The following ITGA9 variants were observed in gnomAD, a reference collection of about 807,000 sequenced individuals.
ITGA9 encodes the protein integrin subunit alpha 9, also known as integrin alpha-9.
In ITGA9, 56 loss-of-function variants were observed where a neutral mutation model predicts 127.8. The observed-to-expected ratio is 0.44, with a 90% CI of 0.35 to 0.55. ITGA9 has a LOEUF of 0.55. ITGA9 is among the 20% of genes least tolerant of loss of function. The probability of loss-of-function intolerance (pLI) is 0.00; values close to 1 mark genes in which losing one functional copy is unlikely to be tolerated. For missense variants in ITGA9, 1,196 were observed against 1,347.1 expected (o/e 0.89, Z 1.76); for synonymous variants, 508 against 514.5 (o/e 0.99, Z 0.17).
chr3:37,633,645 G>A (rs955476287), intron 16 of ITGA9, among the ~76,000 whole-genome samples: 1 of 152,204 alleles, frequency 6.6e-6, no homozygotes, highest in Non-Finnish European at 1.5e-5. Context: ...GGCTACTAGT[G>A]TAACAGGGTC....
chr3:37,676,832 CCTT>C (rs1700687049), intron 17 of ITGA9, among the ~76,000 whole-genome samples: 1 of 152,178 alleles, frequency 6.6e-6, no homozygotes, highest in Non-Finnish European at 1.5e-5. Context: ...CTAAGAGTGT[CCTT>C]CTCCTGCCCC....
At chr3:37,666,343 A>G (rs778202884) in intron 17 of ITGA9, among the ~76,000 whole-genome samples, 34 of 152,236 alleles carry the variant, frequency 2.2e-4, no homozygotes, top group Non-Finnish European at 4.0e-4. Context: ...TAGCACTTGT[A>G]TATCAGTTAC....
At chr3:37,568,417 A>G (rs980718329) in intron 15 of ITGA9, among the ~76,000 whole-genome samples, 6 of 152,238 alleles carry the variant, frequency 3.9e-5, no homozygotes, top group Admixed American at 1.3e-4. Context: ...CCCCATTGTC[A>G]TGGCGATTAA....
At chr3:37,755,986 AAAAAT>A (rs1484832730) in intron 23 of ITGA9, among the ~76,000 whole-genome samples, 2 of 152,140 alleles carry the variant, frequency 1.3e-5, no homozygotes, top group African/African-American at 4.8e-5. Flanking sequence ...TTATGAAGAA[AAAAAT>A]AAATGTATAA....
At chr3:37,463,226 A>C (rs1698335285) in intron 1 of ITGA9, among the ~76,000 whole-genome samples, 1 of 152,186 alleles carries the variant, frequency 6.6e-6, no homozygotes, top group Admixed American at 6.5e-5. Context: ...CCTTAGCTTG[A>C]TGACGTATCT....
At chr3:37,707,590 A>C (rs1575202137) in intron 18 of ITGA9, among the ~76,000 whole-genome samples, 1 of 152,248 alleles carries the variant, frequency 6.6e-6, no homozygotes, top group Middle Eastern at 3.4e-3. Context: ...TACAAAGTGA[A>C]ATGAGGCGAT....
intron 26 of ITGA9, among the ~76,000 whole-genome samples, chr3:37,795,388 G>T (rs60496467): frequency 0.09 from 13,763 of 152,256 alleles, 726 homozygotes; most frequent in Non-Finnish European, 0.12. Context: ...AAAGTTTCCA[G>T]AAACACAGAA....
chr3:37,759,288 T>C (rs1696695335), intron 23 of ITGA9, among the ~76,000 whole-genome samples: 1 of 151,884 alleles, frequency 6.6e-6, no homozygotes, highest in African/African-American at 2.4e-5. Context: ...ATTGCTACAA[T>C]ATATTATCTA....
rs1168382679 is a variant in ITGA9, at chr3:37,584,343, G to A, written c.1689+41758G>A. On this transcript the variant is annotated intron_variant, in intron 15 of 27. Coordinates refer to ENST00000264741, the MANE Select transcript of ITGA9 (RefSeq NM_002207.3). The stretch of plus-strand genomic sequence containing the variant: ...TATCACTTCTGCCCTCATTCCATTG[G>A]CCAGAGCAAGTCATGAGGCCCAATC... 3.9e-5 allele frequency among the ~76,000 whole-genome samples: 6 copies of A among 152,244 alleles called. No individual in the cohort carries two copies. The South Asian group carries it at 1.0e-3, about 26-fold the overall frequency.
intron 16 of ITGA9, among the ~76,000 whole-genome samples, chr3:37,631,939 G>T: frequency 6.6e-6 from 1 of 152,178 alleles, no homozygotes; most frequent in East Asian, 1.9e-4. Context: ...CGTTCTCAGA[G>T]AAAAGAAAGC....
chr3:37,530,580 T>C (rs1459479879), intron 13 of ITGA9, among the ~76,000 whole-genome samples: 1 of 152,116 alleles, frequency 6.6e-6, no homozygotes, highest in African/African-American at 2.4e-5. Context: ...GCTCTTTATC[T>C]GTCCTTGCCT....
At chr3:37,654,878 T>C (rs944860973) in intron 17 of ITGA9, among the ~76,000 whole-genome samples, 1 of 151,986 alleles carries the variant, frequency 6.6e-6, no homozygotes, top group Non-Finnish European at 1.5e-5. Context: ...GTGTGTGATA[T>C]TCCCCTCCCT....
At chr3:37,677,320 A>G (rs912719351) in intron 17 of ITGA9, among the ~76,000 whole-genome samples, 3 of 152,290 alleles carry the variant, frequency 2.0e-5, no homozygotes, top group South Asian at 2.1e-4. Flanking sequence ...GTAATTTTAA[A>G]CTCTGAAAAT....
At chr3:37,760,888 G>A (rs574826500) in intron 23 of ITGA9, among the ~76,000 whole-genome samples, 2 of 152,266 alleles carry the variant, frequency 1.3e-5, no homozygotes, top group Admixed American at 1.3e-4. Flanking sequence ...GAACATATTT[G>A]CAACATGGGT....
Position 37,736,918 on chromosome 3 carries a change from G to C in ITGA9, c.2169G>C (p.Val723=). Residue 723 remains valine, a synonymous_variant, in exon 20 of 28, where the codon GTG becomes GTC. Coordinates refer to ENST00000264741, the MANE Select transcript of ITGA9 (RefSeq NM_002207.3). ...TTTTTCACTAGTATGAATTCAGCGTGATCTTTGATACAAGCCACCTGTCTG... is the reference window on the plus strand; with the variant it reads ...TTTTTCACTAGTATGAATTCAGCGTCATCTTTGATACAAGCCACCTGTCTG... ...MRSKSKYEFS[V]IFDTSHLSGE... The C allele has an allele frequency of 6.2e-7, 1 of 1,612,848 alleles. No homozygotes were observed. The highest frequency in any genetic ancestry group is 8.5e-7 in the Non-Finnish European group (1 of 1,178,800).
At chr3:37,626,171 T>C (rs1201808698) in intron 15 of ITGA9, among the ~76,000 whole-genome samples, 1 of 152,230 alleles carries the variant, frequency 6.6e-6, no homozygotes, top group African/African-American at 2.4e-5. Flanking sequence ...GAAACATTTT[T>C]CCCCTCACCC....
intron 23 of ITGA9, among the ~76,000 whole-genome samples, chr3:37,753,326 G>A (rs751356106): frequency 2.4e-4 from 37 of 152,322 alleles, no homozygotes; most frequent in Non-Finnish European, 4.9e-4. Context: ...GCAGGAAACA[G>A]ATACATAAAA....
chr3:37,704,833 A>G (rs988976186), intron 18 of ITGA9, among the ~76,000 whole-genome samples: 1 of 152,204 alleles, frequency 6.6e-6, no homozygotes, highest in African/African-American at 2.4e-5. Context: ...GCAGAGTACA[A>G]TGTGGGCAAT....
chr3:37,663,642 G>A (rs1700559108), intron 17 of ITGA9, among the ~76,000 whole-genome samples: 1 of 152,186 alleles, frequency 6.6e-6, no homozygotes, highest in Non-Finnish European at 1.5e-5. Flanking sequence ...TGGCAGAATG[G>A]TTAGAATCAT....
Sources: allele counts gnomAD v4.1 joint callset (sites outside exome capture counted in the v4.1 genomes callset), GRCh38; gene constraint gnomAD v4.1.1; transcripts MANE v1.5; gene names NCBI Gene and HGNC (gene_info 2026-07-23, HGNC 2026-07-21).